The following BNC2 variants were observed in gnomAD, a reference collection of about 807,000 sequenced individuals.
BNC2 encodes zinc finger protein basonuclin-2.
Under a neutral mutation model 76.3 loss-of-function variants are expected in BNC2, and 20 were observed. That is an observed-to-expected ratio of 0.26 (90% confidence interval 0.18 to 0.38). BNC2 has a LOEUF of 0.38. Ranked by LOEUF, BNC2 falls within the 10% of genes least tolerant of loss-of-function variation. The probability of loss-of-function intolerance (pLI) is 1.00; values close to 1 mark genes in which losing one functional copy is unlikely to be tolerated. For synonymous variants in BNC2, 582 were observed against 514.8 expected, an observed-to-expected ratio of 1.13 and a Z score of -1.77; for missense variants, 1,382 against 1,399.8, an observed-to-expected ratio of 0.99 and a Z score of 0.20.
rs1200659203 is a variant in BNC2 at position 16,738,372 on chromosome 9, T to C, written c.117A>G (p.Thr39=). Residue 39 remains threonine (T), a synonymous_variant, in exon 2 of 7, where the codon ACA becomes ACG. Transcript: ENST00000380672. ...AAAACCAACATACCTCAATTTGAGA[T>C]GTATCAACCCCACAACATGGGACCT... ...YFKVPCCGVD[T]SQIESEEAEV... 3 of 1,613,940 alleles carry C rather than the reference T, an allele frequency of 1.9e-6. No individual in the cohort carries two copies. Among genetic ancestry groups the C allele is most frequent in the East Asian group, 2.2e-5 (1 of 44,862 alleles).
chr9:16,808,245 A>T (rs1817959382), intron 1 of BNC2, among the ~76,000 whole-genome samples: 1 of 152,184 alleles, frequency 6.6e-6, no homozygotes, highest in African/African-American at 2.4e-5. Flanking sequence ...ACTGACAGCA[A>T]ATTATCTTTT....
rs150221659 is a variant in BNC2 at position 16,684,746 on chromosome 9, C to G, written c.330+43051G>C. 7.6e-3 allele frequency among the ~76,000 whole-genome samples: 1,159 copies of G among 152,198 alleles called. 23 individuals are homozygous for G. The highest frequency in any genetic ancestry group is 0.026 in the African/African-American group (1,079 of 41,532). On this transcript the variant is annotated intron_variant, in intron 3 of 6. Coordinates refer to ENST00000380672, the MANE Select transcript of BNC2 (RefSeq NM_017637.6). ...ACTTCAGCCTGCATCTTTGCATTGG[C>G]ACACACATTCCTTAAATATTATTAT...
intron 5 of BNC2, among the ~76,000 whole-genome samples, chr9:16,469,250 C>G (rs1001910841): frequency 6.6e-6 from 1 of 152,128 alleles, no homozygotes; most frequent in African/African-American, 2.4e-5. Context: ...CTGTCCCCAC[C>G]AAAATCTCAA....
intron 5 of BNC2, among the ~76,000 whole-genome samples, chr9:16,503,809 G>T (rs1822570792): frequency 6.6e-6 from 1 of 151,912 alleles, no homozygotes; most frequent in Non-Finnish European, 1.5e-5. Context: ...ATACCTTAAG[G>T]ACCATTATTT....
intron 5 of BNC2, among the ~76,000 whole-genome samples, chr9:16,528,916 T>A (rs1160656492): frequency 6.6e-6 from 1 of 152,208 alleles, no homozygotes; most frequent in Non-Finnish European, 1.5e-5. Flanking sequence ...AATGGAAACA[T>A]ATTCTCTCTC....
chr9:16,533,639 T>C (rs72700092), intron 5 of BNC2, among the ~76,000 whole-genome samples: 3,949 of 152,274 alleles, frequency 0.026, 79 homozygotes, highest in Non-Finnish European at 0.039. Context: ...TGCCTATTTG[T>C]ATTTCATGGT....
At chr9:16,759,369 G>C (rs778945873) in intron 1 of BNC2, among the ~76,000 whole-genome samples, 5 of 152,154 alleles carry the variant, frequency 3.3e-5, no homozygotes, top group Non-Finnish European at 5.9e-5. Context: ...GACTTTAATG[G>C]AAAGTATGGT....
At chr9:16,693,599 A>G (rs1039360429) in intron 3 of BNC2, among the ~76,000 whole-genome samples, 1 of 152,196 alleles carries the variant, frequency 6.6e-6, no homozygotes, top group African/African-American at 2.4e-5. Flanking sequence ...ACCAAAAAGG[A>G]ACCATAAGAC....
chr9:16,830,864 A>G (rs1818562665), intron 1 of BNC2, among the ~76,000 whole-genome samples: 1 of 152,226 alleles, frequency 6.6e-6, no homozygotes, highest in African/African-American at 2.4e-5. Flanking sequence ...TACCCTAAGG[A>G]TTCTTGGAGG....
intron 3 of BNC2, chr9:16,699,101 G>T (rs1823432547): frequency 2.3e-6 from 1 of 437,088 alleles, no homozygotes; most frequent in Non-Finnish European, 4.6e-6. Flanking sequence ...TAGTGATTTT[G>T]TTGTTGCTGT....
At chr9:16,856,358 C>T (rs552358839) in intron 1 of BNC2, among the ~76,000 whole-genome samples, 2 of 152,100 alleles carry the variant, frequency 1.3e-5, no homozygotes, top group South Asian at 2.1e-4. Flanking sequence ...GTCATGTCAG[C>T]GACTGGTTGC....
intron 5 of BNC2, among the ~76,000 whole-genome samples, chr9:16,514,157 C>T (rs1488100089): frequency 6.6e-6 from 1 of 152,178 alleles, no homozygotes; most frequent in East Asian, 1.9e-4. Flanking sequence ...GCACCACCAG[C>T]CAGCAAGGCA....
At position 16,696,922 on chromosome 9, in the gene BNC2, G is replaced by A. The variant is rs142559024; in HGVS notation, c.330+30875C>T. Among the ~76,000 whole-genome samples the A allele has an allele frequency of 4.1e-3, 630 of 152,264 alleles. 9 individuals carry two copies. The highest frequency in any genetic ancestry group is 0.026 in the Admixed American group (391 of 15,298). Reference sequence around the variant, plus strand: ...TCAGTAACTAACTCAATGTCACCCTGTTGATCTGTGGTATATTTCTGCTGA... The same window carrying A: ...TCAGTAACTAACTCAATGTCACCCTATTGATCTGTGGTATATTTCTGCTGA... On this transcript the variant is annotated intron_variant, in intron 3 of 6. Transcript: ENST00000380672.
chr9:16,612,081 CAA>C (rs113203728), intron 3 of BNC2, among the ~76,000 whole-genome samples: 2 of 138,516 alleles, frequency 1.4e-5, no homozygotes, highest in Admixed American at 7.2e-5. Flanking sequence ...AAAACAGAAG[CAA>C]AAAAAAAAAA....
At chr9:16,608,750 A>G (rs1820454448) in intron 3 of BNC2, among the ~76,000 whole-genome samples, 1 of 152,144 alleles carries the variant, frequency 6.6e-6, no homozygotes, top group African/African-American at 2.4e-5. Flanking sequence ...TCATGAAAAG[A>G]TAACCTGACA....
chr9:16,411,861 T>A lies in BNC2; in HGVS notation c.*7128A>T, dbSNP rs1409623777. ...TGACTGTTTGTAATGGGGCCAACTA[T>A]CTTCTCTGAGATGCGCTGCGGGAAG... is the stretch of plus-strand genomic sequence containing the variant. On this transcript the variant is annotated 3_prime_UTR_variant, in exon 7 of 7. Transcript: ENST00000380672. The A allele has an allele frequency of 6.6e-6, 1 of 152,192 alleles. No homozygotes were observed. The highest frequency in any genetic ancestry group is 1.9e-4 in the East Asian group (1 of 5,192). 9.4% of individuals were successfully genotyped at this position (152,192 alleles called of 1,614,324 possible). A position where few individuals can be genotyped will look rare whatever the true frequency, so the allele number is the denominator to read the frequency against.
intron 3 of BNC2, among the ~76,000 whole-genome samples, chr9:16,586,600 TC>T (rs1442989564): frequency 2.9e-5 from 1 of 34,956 alleles, no homozygotes; most frequent in Non-Finnish European, 7.9e-5. Flanking sequence ...AACTGCTCTC[TC>T]CTCTCTCTCT....
chr9:16,773,927 G>GA (rs1466061667), intron 1 of BNC2, among the ~76,000 whole-genome samples: 2 of 152,138 alleles, frequency 1.3e-5, no homozygotes, highest in Non-Finnish European at 2.9e-5. Flanking sequence ...CTGTCATATA[G>GA]AAAAAACTTC....
At chr9:16,859,240 T>C (rs1212084802) in intron 1 of BNC2, among the ~76,000 whole-genome samples, 2 of 151,864 alleles carry the variant, frequency 1.3e-5, no homozygotes, top group Non-Finnish European at 2.9e-5. Flanking sequence ...GGAACCCTTG[T>C]GCACTGTTGG....
Sources: allele counts gnomAD v4.1 joint callset (sites outside exome capture counted in the v4.1 genomes callset), GRCh38; gene constraint gnomAD v4.1.1; transcripts MANE v1.5; gene names NCBI Gene and HGNC (gene_info 2026-07-23, HGNC 2026-07-21).